Variants in SGCD observed in about 807,000 individuals in gnomAD.
SGCD encodes delta-sarcoglycan.
A neutral mutation model predicts 36.6 loss-of-function variants in SGCD; 18 were observed. That is an observed-to-expected ratio of 0.49 (90% CI 0.34 to 0.73). The LOEUF (loss-of-function observed/expected upper bound fraction) is 0.73. SGCD is among the 30% of genes least tolerant of loss of function. The probability of loss-of-function intolerance (pLI) is 0.01; values close to 1 mark genes in which losing one functional copy is unlikely to be tolerated. For missense variants in SGCD, 387 were observed against 346.7 expected, an observed-to-expected ratio of 1.12 and a Z score of -0.92; for synonymous variants, 133 against 130.6, an observed-to-expected ratio of 1.02 and a Z score of -0.12.
chr5:155,731,879 G>A, the SGCD span, among the ~76,000 whole-genome samples: 6 of 152,164 alleles, frequency 3.9e-5, no homozygotes, highest in African/African-American at 9.7e-5. Flanking sequence ...TTTGATACAC[G>A]TGGTGTAGAT....
At chr5:156,667,371 C>A (rs1753093526) in intron 7 of SGCD, among the ~76,000 whole-genome samples, 1 of 152,152 alleles carries the variant, frequency 6.6e-6, no homozygotes, top group South Asian at 2.1e-4. Flanking sequence ...TAAATTTTCT[C>A]CCTTTTGAAC....
intron 5 of SGCD, among the ~76,000 whole-genome samples, chr5:156,592,760 A>G (rs762678311): frequency 6.7e-4 from 102 of 152,246 alleles, no homozygotes; most frequent in Middle Eastern, 3.4e-3. Flanking sequence ...GGGTTCCATC[A>G]TGCTTGGAAG....
intron 3 of SGCD, among the ~76,000 whole-genome samples, chr5:156,382,481 G>A (rs1207109421): frequency 2.6e-5 from 4 of 152,128 alleles, no homozygotes; most frequent in Admixed American, 6.6e-5. Flanking sequence ...CTTGTAAATC[G>A]AGGCTAAATT....
chr5:156,053,995 G>A (rs1254785068), intron 1 of SGCD, among the ~76,000 whole-genome samples: 1 of 145,384 alleles, frequency 6.9e-6, no homozygotes, highest in Non-Finnish European at 1.5e-5. Context: ...ACTTCCCAAA[G>A]GCCCTACCGC....
chr5:156,060,463 G>T (rs766670390), intron 1 of SGCD, among the ~76,000 whole-genome samples: 1 of 146,496 alleles, frequency 6.8e-6, no homozygotes, highest in Non-Finnish European at 1.5e-5. Context: ...TAAAAGACAG[G>T]ATTAATTGGA....
the SGCD span, among the ~76,000 whole-genome samples, chr5:155,833,519 C>T: frequency 6.6e-6 from 1 of 152,100 alleles, no homozygotes; most frequent in African/African-American, 2.4e-5. Context: ...CAGATGAAGA[C>T]ATCAAAAGAA....
chr5:156,684,833 G>A (rs1479555059), intron 7 of SGCD, among the ~76,000 whole-genome samples: 1 of 152,104 alleles, frequency 6.6e-6, no homozygotes, highest in African/African-American at 2.4e-5. Context: ...GGGATGGTTG[G>A]GGCTTAAAAC....
chr5:155,928,962 A>G (rs1757048679), intron 1 of SGCD, among the ~76,000 whole-genome samples: 1 of 152,124 alleles, frequency 6.6e-6, no homozygotes, highest in Non-Finnish European at 1.5e-5. Context: ...ATTTTTAATT[A>G]CTTTTTAATC....
chr5:155,862,947 G>C, the SGCD span, among the ~76,000 whole-genome samples: 1 of 152,324 alleles, frequency 6.6e-6, no homozygotes, highest in South Asian at 2.1e-4. Flanking sequence ...AACACTGTTG[G>C]AGAGAGAAAA....
chr5:156,050,033 G>C (rs1304459432), intron 1 of SGCD, among the ~76,000 whole-genome samples: 1 of 146,916 alleles, frequency 6.8e-6, no homozygotes, highest in East Asian at 1.9e-4. Context: ...TGTTGAAATG[G>C]CAACAAAGGA....
At chr5:156,035,598 G>C (rs1393672997) in intron 1 of SGCD, among the ~76,000 whole-genome samples, 1 of 152,048 alleles carries the variant, frequency 6.6e-6, no homozygotes, top group Non-Finnish European at 1.5e-5. Flanking sequence ...GTTCAATAGA[G>C]GGAGACCCTG....
At chr5:156,231,060 A>G (rs1765002649) in intron 3 of SGCD, among the ~76,000 whole-genome samples, 2 of 152,212 alleles carry the variant, frequency 1.3e-5, no homozygotes, top group South Asian at 4.1e-4. Flanking sequence ...TAAGGAAGTG[A>G]AAGGTAATGA....
At chr5:156,380,187 C>T (rs1770901940) in intron 3 of SGCD, among the ~76,000 whole-genome samples, 1 of 152,058 alleles carries the variant, frequency 6.6e-6, no homozygotes, top group Non-Finnish European at 1.5e-5. Flanking sequence ...TTTCCAGGCT[C>T]TTTTAAGCTC....
intron 6 of SGCD, among the ~76,000 whole-genome samples, chr5:156,599,466 C>T: frequency 6.6e-6 from 1 of 152,048 alleles, no homozygotes; most frequent in East Asian, 1.9e-4. Context: ...AAGTTGATAG[C>T]AAGTTGAGTA....
intron 3 of SGCD, among the ~76,000 whole-genome samples, chr5:156,272,454 G>A (rs1255470965): frequency 1.3e-5 from 2 of 152,094 alleles, no homozygotes; most frequent in African/African-American, 4.8e-5. Context: ...CTATATCTTT[G>A]CAATTATGAA....
chr5:155,732,308 C>T, the SGCD span, among the ~76,000 whole-genome samples: 1 of 152,288 alleles, frequency 6.6e-6, no homozygotes, highest in South Asian at 2.1e-4. Flanking sequence ...CTTTAGTTGT[C>T]AGCAGTCTAA....
chr5:156,138,640 TAC>T (rs1762511895), intron 3 of SGCD, among the ~76,000 whole-genome samples: 1 of 152,226 alleles, frequency 6.6e-6, no homozygotes, highest in Non-Finnish European at 1.5e-5. Context: ...TAATAAGAAT[TAC>T]ACTATTAGAA....
At chr5:156,497,539 C>T (rs1170455807) in intron 3 of SGCD, among the ~76,000 whole-genome samples, 4 of 151,908 alleles carry the variant, frequency 2.6e-5, no homozygotes, top group Admixed American at 2.0e-4. Flanking sequence ...TGAGAAATTA[C>T]AGTTTTGATC....
chr5:156,383,614 T>G (rs575622779), intron 3 of SGCD, among the ~76,000 whole-genome samples: 60 of 152,262 alleles, frequency 3.9e-4, no homozygotes, highest in Non-Finnish European at 7.2e-4. Context: ...AGTCACTGTT[T>G]CTCTTAGCAG....
Sources: allele counts gnomAD v4.1 joint callset (sites outside exome capture counted in the v4.1 genomes callset), GRCh38; gene constraint gnomAD v4.1.1; transcripts MANE v1.5; gene names NCBI Gene and HGNC (gene_info 2026-07-23, HGNC 2026-07-21).